Variants in YWHAZ observed in about 807,000 individuals in gnomAD.
YWHAZ encodes 14-3-3 protein zeta/delta.
For synonymous variants in YWHAZ, 87 were observed against 103.6 expected (o/e 0.84, Z 0.97); for missense variants, 79 against 284.8 (o/e 0.28, Z 5.20).
chr8:100,932,809 C>A (rs1053450659), intron 2 of YWHAZ, among the ~76,000 whole-genome samples: 16 of 152,032 alleles, frequency 1.1e-4, no homozygotes, highest in Non-Finnish European at 2.2e-4. Context: ...TTTTGCCTCA[C>A]TGAAAGATGT....
rs1398985698 is a variant in YWHAZ at position 100,916,960 on chromosome 8, A to G, written c.*3733T>C. 6.6e-6 allele frequency: 1 copy of G among 152,238 alleles called. No homozygotes were observed. Among genetic ancestry groups the G allele is most frequent in the African/African-American group, 2.4e-5 (1 of 41,452 alleles). 9.4% of individuals were successfully genotyped at this position (152,238 alleles called of 1,614,324 possible). A position where few individuals can be genotyped will look rare whatever the true frequency, so the allele number is the denominator to read the frequency against. On this transcript the variant is annotated 3_prime_UTR_variant, in exon 6 of 6. Transcript: ENST00000395958. ...CTCAGCCACCACTTTACTATTGTAC[A>G]TATTTTCAGTTCTACCATAGTATTT...
intron 2 of YWHAZ, among the ~76,000 whole-genome samples, chr8:100,934,673 G>A (rs904998931): frequency 3.9e-5 from 6 of 152,052 alleles, no homozygotes; most frequent in African/African-American, 1.2e-4. Context: ...GCGATAGGGC[G>A]AGACTGTCTC....
chr8:100,951,618 G>A (rs971741732), intron 1 of YWHAZ: 2 of 985,272 alleles, frequency 2.0e-6, no homozygotes, highest in African/African-American at 1.7e-5. Context: ...GGGAGCCGGC[G>A]ACAGGGAGAT....
upstream of YWHAZ, chr8:100,953,028 G>C (rs991328063): frequency 1.0e-6 from 1 of 999,954 alleles, no homozygotes; most frequent in Non-Finnish European, 1.2e-6. Flanking sequence ...GAGGTGGGCC[G>C]GGCCGGGCGG....
chr8:100,939,420 G>T (rs1227779708), intron 2 of YWHAZ, among the ~76,000 whole-genome samples: 2 of 152,172 alleles, frequency 1.3e-5, no homozygotes, highest in African/African-American at 4.8e-5. Flanking sequence ...TCCCACTTTG[G>T]AGGCCGAGGC....
chr8:100,939,054 G>C (rs899466380), intron 2 of YWHAZ, among the ~76,000 whole-genome samples: 1 of 152,138 alleles, frequency 6.6e-6, no homozygotes, highest in African/African-American at 2.4e-5. Flanking sequence ...TAATCAACAA[G>C]AAATCTGGCA....
At chr8:100,941,234 T>C (rs568329789) in intron 2 of YWHAZ, among the ~76,000 whole-genome samples, 2 of 152,336 alleles carry the variant, frequency 1.3e-5, no homozygotes, top group African/African-American at 4.8e-5. Context: ...TTTCATCAAG[T>C]GTCTCTTGGT....
At chr8:100,933,251 C>T (rs1389858093) in intron 2 of YWHAZ, among the ~76,000 whole-genome samples, 5 of 151,742 alleles carry the variant, frequency 3.3e-5, no homozygotes, top group African/African-American at 9.7e-5. Context: ...CCCAGCTACT[C>T]GGGAGGCTGA....
At chr8:100,937,381 T>C (rs993485276) in intron 2 of YWHAZ, among the ~76,000 whole-genome samples, 3 of 152,154 alleles carry the variant, frequency 2.0e-5, no homozygotes, top group Admixed American at 6.5e-5. Flanking sequence ...AAGAAAAATA[T>C]GTGGGGTGGA....
At chr8:100,923,922 C>T in intron 5 of YWHAZ, 33 bp downstream of exon 5, 1 of 1,542,556 alleles carries the variant, frequency 6.5e-7, no homozygotes, top group Middle Eastern at 2.3e-4. Flanking sequence ...TCTTCAACCA[C>T]ATTCATCACT....
rs368732641 is a variant in YWHAZ, at chr8:100,925,067, G to C, written c.295-28C>G. 33 of 1,592,520 alleles carry C rather than the reference G, an allele frequency of 2.1e-5. No homozygotes were observed. In the African/African-American group the frequency reaches 3.9e-4, roughly 19 times the overall value. ...TAAGAAGAAAAGAAACAGACATAGTGAGAATAAAACATTTACAAAACTGAA... is the reference window on the plus strand; with the variant it reads ...TAAGAAGAAAAGAAACAGACATAGTCAGAATAAAACATTTACAAAACTGAA... On this transcript the variant is annotated intron_variant, in intron 2 of 5. Transcript: ENST00000395958.
At chr8:100,946,867 ATTAG>A (rs1040118181) in intron 2 of YWHAZ, among the ~76,000 whole-genome samples, 9 of 150,688 alleles carry the variant, frequency 6.0e-5, no homozygotes, top group East Asian at 1.9e-4. Context: ...ATACACAGAT[ATTAG>A]TTAGTAAGGT....
At chr8:100,940,648 G>C (rs1252131606) in intron 2 of YWHAZ, among the ~76,000 whole-genome samples, 3 of 152,162 alleles carry the variant, frequency 2.0e-5, no homozygotes, top group African/African-American at 7.2e-5. Flanking sequence ...ATATCACAGA[G>C]GTACAAAAGG....
chr8:100,937,678 AAAAC>A (rs1563680977), intron 2 of YWHAZ, among the ~76,000 whole-genome samples: 2 of 152,138 alleles, frequency 1.3e-5, no homozygotes, highest in African/African-American at 4.8e-5. Context: ...GCTCTCTTCC[AAAAC>A]AACAAATGAA....
intron 5 of YWHAZ, 49 bp from the exon 6 acceptor site, chr8:100,920,801 G>GC (rs762285105): frequency 2.2e-6 from 2 of 903,220 alleles, no homozygotes; most frequent in Non-Finnish European, 3.3e-6. Flanking sequence ...GGGATGGGGG[G>GC]GGGGGGGCGT....
At chr8:100,939,436 G>A (rs1418176729) in intron 2 of YWHAZ, among the ~76,000 whole-genome samples, 2 of 151,974 alleles carry the variant, frequency 1.3e-5, no homozygotes, top group South Asian at 4.2e-4. Context: ...GAGGCGGGTG[G>A]ATCATCTGAG....
chr8:100,946,482 CG>C (rs1563689364), intron 2 of YWHAZ, among the ~76,000 whole-genome samples: 3 of 152,058 alleles, frequency 2.0e-5, no homozygotes, highest in African/African-American at 7.2e-5. Flanking sequence ...ACACGGGAGG[CG>C]GAAGTTGCAG....
At chr8:100,928,026 T>A (rs533422340) in intron 2 of YWHAZ, among the ~76,000 whole-genome samples, 6 of 152,318 alleles carry the variant, frequency 3.9e-5, no homozygotes, top group Non-Finnish European at 7.4e-5. Flanking sequence ...ACGCCTGTAA[T>A]CCCAACACTT....
At chr8:100,952,715 A>C (rs1810893060), upstream of YWHAZ, 2 of 887,188 alleles carry the variant, frequency 2.3e-6, no homozygotes, top group Non-Finnish European at 2.7e-6. Flanking sequence ...GGGCGGGGGC[A>C]GGGCGCGGTC....
Sources: gnomAD v4.1 joint callset for allele counts (sites outside exome capture counted in the v4.1 genomes callset) on GRCh38, gnomAD v4.1.1 for gene constraint, MANE v1.5 for transcripts, NCBI Gene and HGNC (gene_info 2026-07-23, HGNC 2026-07-21) for gene names.